The following SLC34A2 variants were observed in gnomAD, a reference collection of about 807,000 sequenced individuals.
The protein encoded by SLC34A2 is solute carrier family 34 member 2.
In SLC34A2, 41 loss-of-function variants were observed where a neutral mutation model predicts 50.8. That is an observed-to-expected ratio of 0.81 (90% confidence interval 0.63 to 1.05). The LOEUF (loss-of-function observed/expected upper bound fraction) is 1.05. Ranked by LOEUF, SLC34A2 falls within the 50% of genes least tolerant of loss-of-function variation. The pLI, the probability that SLC34A2 is intolerant of heterozygous loss-of-function variation, is 0.00. For missense variants in SLC34A2, 879 were observed against 876.7 expected (o/e 1.00, Z -0.03); for synonymous variants, 401 against 364.2 (o/e 1.10, Z -1.15).
Position 25,671,608 on chromosome 4 carries a change from T to G in SLC34A2, c.935T>G (p.Ile312Ser). Residue 312 changes from isoleucine to serine, a missense_variant, in exon 9 of 13, where the codon ATT becomes AGT. By Grantham distance (142) the Ile-to-Ser change is moderately radical. Transcript: ENST00000382051. The stretch of plus-strand genomic sequence containing the variant: ...GTCATGTTTGTCATCCAGACCCAGA[T>G]TAACGTCACTGTTCCCTCGACTGCT... Reference protein sequence around the residue: ...WCKTFTNKTQINVTVPSTANC... With the variant: ...WCKTFTNKTQSNVTVPSTANC... 6.2e-7 allele frequency: 1 copy of G among 1,614,080 alleles called. No individual in the cohort carries two copies. Among genetic ancestry groups the G allele is most frequent in the Non-Finnish European group, 8.5e-7 (1 of 1,180,000 alleles).
In SLC34A2 at chr4:25,662,836, T is replaced by A. The variant is rs1164406354; in HGVS notation, c.244T>A (p.Trp82Arg). The A allele has an allele frequency of 2.2e-5, 36 of 1,614,004 alleles. No homozygotes were observed. The highest frequency in any genetic ancestry group is 3.1e-5 in the Non-Finnish European group (36 of 1,179,982). The change falls in exon 3 of 13, where the codon TGG becomes AGG. Residue 82 changes from tryptophan to arginine, a missense_variant. Transcript: ENST00000382051. ...CACTCTTCAGGACTCGGGGATCAAG[T>A]GGTCAGGTAAAAGTGAGGCCAGCTG... ...LPTLQDSGIK[W>R]SERDTKGKIL...
At chr4:25,672,631 T>C (rs1172984081) in intron 9 of SLC34A2, among the ~76,000 whole-genome samples, 3 of 152,146 alleles carry the variant, frequency 2.0e-5, no homozygotes, top group African/African-American at 7.2e-5. Flanking sequence ...CCTCCCACAT[T>C]CTAGGCACTA....
chr4:25,674,248 CAT>C (rs1245381888), intron 10 of SLC34A2, 46 bp from the exon 11 acceptor site: 1 of 1,480,912 alleles, frequency 6.8e-7, no homozygotes, highest in East Asian at 2.3e-5. Context: ...GCCACCAGGC[CAT>C]ACCTTCCCCG....
At chr4:25,673,016 G>T in intron 9 of SLC34A2, 71 bp from the exon 10 acceptor site, 1 of 1,500,420 alleles carries the variant, frequency 6.7e-7, no homozygotes, top group Non-Finnish European at 9.3e-7. Flanking sequence ...ACAGGATCTG[G>T]GGGAATAAAT....
intron 9 of SLC34A2, 103 bp from the exon 10 acceptor site, chr4:25,672,984 C>T: frequency 7.6e-7 from 1 of 1,311,220 alleles, no homozygotes; most frequent in Non-Finnish European, 1.1e-6. Context: ...AACTAACAAC[C>T]AGGAATCTGT....
At position 25,676,988 on chromosome 4, in the gene SLC34A2, C is replaced by G. The variant is rs962301351; in HGVS notation, c.*239C>G. 3 of 571,980 alleles carry G rather than the reference C, an allele frequency of 5.2e-6. No homozygotes were observed. The highest frequency in any genetic ancestry group is 3.7e-5 in the African/African-American group (2 of 53,508). 35.4% of individuals were successfully genotyped at this position (571,980 alleles called of 1,614,324 possible). ...ACTCCAGGAAGGCACAGGATGGTAC[C>G]TAAAGAGAATTAGAGAATGAACCTG... On this transcript the variant is annotated 3_prime_UTR_variant, in exon 13 of 13. Transcript: ENST00000382051.
intron 4 of SLC34A2, 62 bp from the exon 5 acceptor site, chr4:25,666,066 G>A: frequency 1.3e-6 from 2 of 1,599,408 alleles, no homozygotes; most frequent in Non-Finnish European, 1.7e-6. Context: ...TTTACTCAGT[G>A]CCCACCTAAT....
chr4:25,662,982 C>T, intron 3 of SLC34A2, 140 bp downstream of exon 3: 5 of 792,488 alleles, frequency 6.3e-6, no homozygotes, highest in Non-Finnish European at 9.3e-6. Context: ...ACCCTCTCAT[C>T]TTTTTTTTTT....
chr4:25,664,455 C>T (rs1284131095), intron 4 of SLC34A2, 125 bp downstream of exon 4: 1 of 989,934 alleles, frequency 1.0e-6, no homozygotes, highest in Non-Finnish European at 1.6e-6. Flanking sequence ...CTGGAACCGA[C>T]CTCAGATCAT....
In SLC34A2 at chr4:25,669,679, TC is replaced by T. The variant is rs1278098555; in HGVS notation, c.669del (p.Phe223LeufsTer22). 6.2e-7 allele frequency: 1 copy of T among 1,614,110 alleles called. No homozygotes were observed. The highest frequency in any genetic ancestry group is 8.5e-7 in the Non-Finnish European group (1 of 1,180,026). On this transcript the variant is annotated frameshift_variant, in exon 7 of 13. Transcript: ENST00000382051. LOFTEE classifies it high-confidence loss of function. ...GCAGGAGCCACTGTCCATGACTTCT[TC>T]AACTGGCTGTCCGTGTTGGTGCTCT... The part of the protein sequence containing the change: ...AFAGATVHDF[F>X]NWLSVLVLLP...
chr4:25,664,127 GC>G (rs1714357839), intron 3 of SLC34A2, 74 bp from the exon 4 acceptor site: 2 of 1,516,656 alleles, frequency 1.3e-6, no homozygotes, highest in Admixed American at 3.3e-5. Context: ...TGAGCTCATT[GC>G]CAAACTTCTC....
intron 5 of SLC34A2, among the ~76,000 whole-genome samples, chr4:25,667,291 C>T (rs925885906): frequency 4.6e-5 from 7 of 152,144 alleles, no homozygotes; most frequent in African/African-American, 7.2e-5. Flanking sequence ...GTGGGAGGCT[C>T]ACCTGAGGTT....
chr4:25,656,593 G>A (rs1713893482), intron 1 of SLC34A2: 1 of 152,268 alleles, frequency 6.6e-6, no homozygotes, highest in Admixed American at 6.5e-5. Flanking sequence ...TAACTTACAA[G>A]GAGATGTGCA....
chr4:25,662,369 C>A, intron 1 of SLC34A2, 129 bp from the exon 2 acceptor site: 1 of 765,002 alleles, frequency 1.3e-6, no homozygotes, highest in South Asian at 1.5e-5. Flanking sequence ...CTTTCCCTTC[C>A]TTTTACTGCC....
chr4:25,664,006 G>A (rs551588479), intron 3 of SLC34A2, among the ~76,000 whole-genome samples, 196 bp from the exon 4 acceptor site: 3 of 152,186 alleles, frequency 2.0e-5, no homozygotes, highest in Non-Finnish European at 4.4e-5. Context: ...GGACCACAGC[G>A]GTAACTGCTT....
At chr4:25,666,706 C>T (rs540400031) in intron 5 of SLC34A2, among the ~76,000 whole-genome samples, 1 of 152,314 alleles carries the variant, frequency 6.6e-6, no homozygotes, top group Admixed American at 6.5e-5. Flanking sequence ...ATTTCCTTCA[C>T]TGCAGAAAGT....
chr4:25,664,183 C>A lies in SLC34A2; in HGVS notation c.251-19C>A, dbSNP rs958859675. 1.9e-5 allele frequency: 30 copies of A among 1,608,888 alleles called. No individual in the cohort carries two copies. The highest frequency in any genetic ancestry group is 2.7e-5 in the African/African-American group (2 of 74,854). On this transcript the variant is annotated intron_variant, in intron 3 of 12. Transcript: ENST00000382051. Reference sequence around the variant, plus strand: ...GTTTCATGCCTTTCTCTCTCTCCCCCCATCCCACCCCCCTGCAGAGAGAGA... The same window carrying A: ...GTTTCATGCCTTTCTCTCTCTCCCCACATCCCACCCCCCTGCAGAGAGAGA...
At chr4:25,675,700 G>C (rs762435554) in intron 12 of SLC34A2, among the ~76,000 whole-genome samples, 2 of 152,184 alleles carry the variant, frequency 1.3e-5, no homozygotes, top group African/African-American at 2.4e-5. Flanking sequence ...ATCTCAGTGT[G>C]GACATGCGGC....
Position 25,677,157 on chromosome 4 carries a change from C to A in SLC34A2, c.*408C>A. ...AGATGAGGAAGTGTACTCTCTATGA[C>A]TATCAAGCTCAGGCCTCTCCCTTTT... On this transcript the variant is annotated 3_prime_UTR_variant, in exon 13 of 13. Coordinates refer to ENST00000382051, the MANE Select transcript of SLC34A2 (RefSeq NM_006424.3). The A allele has an allele frequency of 4.9e-6, 1 of 204,198 alleles. No homozygotes were observed. The highest frequency in any genetic ancestry group is 1.0e-5 in the Non-Finnish European group (1 of 98,738). The allele number at this position is 204,198 out of a possible 1,614,324, so 12.6% of individuals were successfully genotyped here. A position where few individuals can be genotyped will look rare whatever the true frequency, so the allele number is the denominator to read the frequency against.
Sources: allele counts gnomAD v4.1 joint callset (sites outside exome capture counted in the v4.1 genomes callset), GRCh38; gene constraint gnomAD v4.1.1; transcripts MANE v1.5; gene names NCBI Gene and HGNC (gene_info 2026-07-23, HGNC 2026-07-21).